The following PLXNA4 variants were observed in gnomAD, a reference collection of about 807,000 sequenced individuals.
The protein encoded by PLXNA4 is plexin-A4.
A neutral mutation model predicts 191.8 loss-of-function variants in PLXNA4; 44 were observed. The ratio of observed to expected loss-of-function variants is 0.23; its 90% CI spans 0.18 to 0.29. The LOEUF is 0.29. Ranked by LOEUF, PLXNA4 falls within the 10% of genes least tolerant of loss-of-function variation. The pLI, the probability that PLXNA4 is intolerant of heterozygous loss-of-function variation, is 1.00. For missense variants in PLXNA4, 1,800 were observed against 2,488.8 expected, an observed-to-expected ratio of 0.72 and a Z score of 5.89; for synonymous variants, 1,082 against 1,009.5, an observed-to-expected ratio of 1.07 and a Z score of -1.36.
At chr7:132,141,448 C>A (rs561463631) in intron 29 of PLXNA4, among the ~76,000 whole-genome samples, 26 of 152,340 alleles carry the variant, frequency 1.7e-4, no homozygotes, top group Non-Finnish European at 3.1e-4. Context: ...GTTGGCACCT[C>A]CTGCCCACCA....
chr7:132,343,832 G>T (rs1466861004), intron 3 of PLXNA4, among the ~76,000 whole-genome samples: 1 of 152,166 alleles, frequency 6.6e-6, no homozygotes, highest in Non-Finnish European at 1.5e-5. Flanking sequence ...CATGAGAATT[G>T]CTTGAACCCG....
At chr7:132,562,425 A>G (rs1253179853) in intron 1 of PLXNA4, among the ~76,000 whole-genome samples, 1 of 33,650 alleles carries the variant, frequency 3.0e-5, no homozygotes, top group African/African-American at 1.5e-4. Flanking sequence ...TCCTTCTCCT[A>G]CTCCTTTTCC....
intron 3 of PLXNA4, among the ~76,000 whole-genome samples, chr7:132,482,559 G>A (rs1245079303): frequency 1.3e-5 from 2 of 152,130 alleles, no homozygotes; most frequent in African/African-American, 4.8e-5. Flanking sequence ...CAGAACCACA[G>A]AAACTGTATG....
chr7:132,288,169 C>T (rs1800753844), intron 4 of PLXNA4, among the ~76,000 whole-genome samples: 3 of 152,310 alleles, frequency 2.0e-5, no homozygotes, highest in Admixed American at 2.0e-4. Flanking sequence ...ATGACCTGCT[C>T]CCTCCTCTGT....
At position 132,616,785 on chromosome 7, in the gene PLXNA4, G is replaced by A. The variant is rs1000292; in HGVS notation, c.-87+29143C>T. On this transcript the variant is annotated intron_variant, in intron 2 of 4. Transcript: ENST00000378539. ...ATATGCACCTGTTTGAAAACACTGC[G>A]TTTACCCACCGGCCCTTTCACGGGT... Among the ~76,000 whole-genome samples the A allele has an allele frequency of 3.0e-3, 452 of 152,144 alleles. 4 individuals carry two copies. Among genetic ancestry groups the A allele is most frequent in the African/African-American group, 0.01 (425 of 41,520 alleles).
At chr7:132,539,059 A>T (rs1694017558) in intron 1 of PLXNA4, among the ~76,000 whole-genome samples, 1 of 151,990 alleles carries the variant, frequency 6.6e-6, no homozygotes, top group South Asian at 2.1e-4. Flanking sequence ...GACTGCTGCC[A>T]CCCTCTCACC....
At position 132,185,292 on chromosome 7, in the gene PLXNA4, C is replaced by T. The variant is rs200231137; in HGVS notation, c.3158+7G>A. Reference sequence around the variant, plus strand: ...AAGCATTAAGGTCCGCTTGGGCCAGCTCCTACCTGACAATGCTCCATTCTG... The same window carrying T: ...AAGCATTAAGGTCCGCTTGGGCCAGTTCCTACCTGACAATGCTCCATTCTG... On this transcript the variant is annotated splice_region_variant and intron_variant, in intron 16 of 31. Transcript: ENST00000321063. 17 of 1,610,136 alleles carry T rather than the reference C, an allele frequency of 1.1e-5. No homozygotes were observed. In the Admixed American group the frequency reaches 1.8e-4, roughly 17 times the overall value.
At chr7:132,177,054 C>T (rs111747337) in intron 20 of PLXNA4, among the ~76,000 whole-genome samples, 32,696 of 151,172 alleles carry the variant, frequency 0.22, 3,785 homozygotes, top group Middle Eastern at 0.35. Context: ...TGTGTGTGTA[C>T]GAATGTGAGT....
chr7:132,425,844 C>T (rs1795020154), intron 3 of PLXNA4, among the ~76,000 whole-genome samples: 1 of 152,180 alleles, frequency 6.6e-6, no homozygotes, highest in Admixed American at 6.5e-5. Context: ...GGGGCTCTGG[C>T]CTGCTCTTGA....
At chr7:132,282,610 G>GGA (rs1800521663) in intron 4 of PLXNA4, among the ~76,000 whole-genome samples, 1 of 44,798 alleles carries the variant, frequency 2.2e-5, no homozygotes, top group Non-Finnish European at 4.3e-5. Flanking sequence ...CCTTGTCTCA[G>GGA]AAAAAAAAAA....
chr7:132,623,354 AAAAT>A (rs1383798373), intron 2 of PLXNA4, among the ~76,000 whole-genome samples: 62 of 151,142 alleles, frequency 4.1e-4, no homozygotes, highest in African/African-American at 1.3e-3. Context: ...CTCAAAAAAT[AAAAT>A]AAAATAAAGA....
chr7:132,213,517 C>T (rs886852150), intron 9 of PLXNA4, among the ~76,000 whole-genome samples: 2 of 152,170 alleles, frequency 1.3e-5, no homozygotes, highest in Non-Finnish European at 1.5e-5. Flanking sequence ...TCTGGAGACG[C>T]CAGTAGCCAC....
At chr7:132,262,108 C>CT (rs1333265919) in intron 4 of PLXNA4, among the ~76,000 whole-genome samples, 4 of 152,206 alleles carry the variant, frequency 2.6e-5, no homozygotes, top group African/African-American at 9.6e-5. Context: ...GGTTGCCCCC[C>CT]TTTCCCTTCT....
intron 10 of PLXNA4, among the ~76,000 whole-genome samples, chr7:132,208,750 CG>C (rs1367245672): frequency 1.3e-5 from 2 of 152,168 alleles, no homozygotes; most frequent in Non-Finnish European, 2.9e-5. Context: ...ACAGACTGTG[CG>C]CACACTGGAG....
At chr7:132,496,972 T>C (rs1798043008) in intron 2 of PLXNA4, among the ~76,000 whole-genome samples, 1 of 152,188 alleles carries the variant, frequency 6.6e-6, no homozygotes. Flanking sequence ...GAAATGACGT[T>C]TTGAAAAGAA....
intron 2 of PLXNA4, among the ~76,000 whole-genome samples, chr7:132,490,776 T>A (rs1332338567): frequency 6.6e-6 from 1 of 152,112 alleles, no homozygotes; most frequent in African/African-American, 2.4e-5. Context: ...AAGAGAATAT[T>A]CTCCAGATAT....
At chr7:132,564,200 TCTCCTCCTCCTTCTCCTTTCTC>T (rs1249875107) in intron 1 of PLXNA4, among the ~76,000 whole-genome samples, 3 of 115,456 alleles carry the variant, frequency 2.6e-5, no homozygotes, top group African/African-American at 6.8e-5. Context: ...TCCCTCCTCT[TCTCCTCCTCCTTCTCCTTTCTC>T]CTCCTCCTCC....
intron 3 of PLXNA4, among the ~76,000 whole-genome samples, chr7:132,404,045 T>C (rs923799652): frequency 6.6e-6 from 1 of 152,146 alleles, no homozygotes; most frequent in Admixed American, 6.5e-5. Flanking sequence ...GGCTCTGTGG[T>C]GGGCCAGGAG....
chr7:132,177,459 T>C (rs986774940), intron 20 of PLXNA4, among the ~76,000 whole-genome samples: 1 of 152,212 alleles, frequency 6.6e-6, no homozygotes, highest in Admixed American at 6.5e-5. Flanking sequence ...AGTGCCTCTG[T>C]GGCTAGTCTG....
Sources: gnomAD v4.1 joint callset for allele counts (sites outside exome capture counted in the v4.1 genomes callset) on GRCh38, gnomAD v4.1.1 for gene constraint, MANE v1.5 for transcripts, NCBI Gene and HGNC (gene_info 2026-07-23, HGNC 2026-07-21) for gene names.